The following ATRN variants were observed in gnomAD, a reference collection of about 807,000 sequenced individuals.
ATRN encodes the protein attractin, also known as attractin-2.
A neutral mutation model predicts 178.7 loss-of-function variants in ATRN; 54 were observed. The ratio of observed to expected loss-of-function variants is 0.30; its 90% CI spans 0.24 to 0.38. The LOEUF is 0.38. Among genes scored for constraint, ATRN ranks in the 10% least tolerant of loss-of-function variants. ATRN has a pLI of 1.00. For synonymous variants in ATRN, 636 were observed against 663.0 expected, an observed-to-expected ratio of 0.96 and a Z score of 0.63; for missense variants, 1,443 against 1,815.1, an observed-to-expected ratio of 0.79 and a Z score of 3.73.
chr20:3,474,111 G>T (rs2084476267), intron 1 of ATRN, among the ~76,000 whole-genome samples: 1 of 152,176 alleles, frequency 6.6e-6, no homozygotes, highest in South Asian at 2.1e-4. Flanking sequence ...CTATGAGGGA[G>T]ATTGCCAGGG....
At chr20:3,473,917 G>T (rs973260385) in intron 1 of ATRN, among the ~76,000 whole-genome samples, 7 of 152,138 alleles carry the variant, frequency 4.6e-5, no homozygotes, top group African/African-American at 1.7e-4. Context: ...GTTTGCTCTT[G>T]GAAAGGTGGG....
intron 25 of ATRN, among the ~76,000 whole-genome samples, chr20:3,633,452 A>G (rs996843146): frequency 2.0e-5 from 3 of 152,224 alleles, no homozygotes; most frequent in African/African-American, 7.2e-5. Flanking sequence ...ACCCCATCCT[A>G]CAAACGCAGA....
chr20:3,565,528 G>A (rs2086020872), intron 11 of ATRN, 96 bp downstream of exon 11: 5 of 1,009,884 alleles, frequency 5.0e-6, no homozygotes, highest in Non-Finnish European at 6.1e-6. Flanking sequence ...GGCACTTTGG[G>A]AGGCCGAGGC....
At chr20:3,542,844 G>A (rs1400074677) in intron 3 of ATRN, among the ~76,000 whole-genome samples, 1 of 110,514 alleles carries the variant, frequency 9.0e-6, no homozygotes, top group African/African-American at 3.5e-5. Flanking sequence ...TCACCATGTT[G>A]CCCGGGCTGG....
At position 3,566,734 on chromosome 20, in the gene ATRN, G is replaced by A. The variant is rs149059780; in HGVS notation, c.1871+1302G>A. Among the ~76,000 whole-genome samples the A allele has an allele frequency of 3.1e-3, 465 of 151,936 alleles. 2 individuals carry two copies. Among genetic ancestry groups the A allele is most frequent in the African/African-American group, 0.01 (432 of 41,430 alleles). ...CCCTGGTCAACATGGCAAAACCCCC[G>A]TCTCTTCCTAAAATACAAAACAATT... On this transcript the variant is annotated intron_variant, in intron 11 of 28. Coordinates refer to ENST00000262919, the MANE Select transcript of ATRN (RefSeq NM_139321.3).
chr20:3,502,165 A>G (rs1460249453), intron 1 of ATRN, among the ~76,000 whole-genome samples: 1 of 152,154 alleles, frequency 6.6e-6, no homozygotes, highest in Non-Finnish European at 1.5e-5. Context: ...TAGTTATACA[A>G]CTTAGTCTGG....
chr20:3,572,837 G>A lies in ATRN; in HGVS notation c.1978G>A (p.Ala660Thr). 3 of 1,613,774 alleles carry A rather than the reference G, an allele frequency of 1.9e-6. No homozygotes were observed. Among genetic ancestry groups the A allele is most frequent in the Non-Finnish European group, 2.5e-6 (3 of 1,179,952 alleles). The stretch of plus-strand genomic sequence containing the variant: ...TCGGAGTGAAGCCGCTTGTTTAGCA[G>A]CAGGACCTGGTATTCGGTGTGTGTG... ...AHRSEAACLA[A>T]GPGIRCVWNT... is the part of the protein sequence containing the mutation. Residue 660 changes from alanine (A) to threonine (T), a missense_variant, in exon 12 of 29, where the codon GCA (alanine) becomes ACA (threonine). Transcript: ENST00000262919.
At chr20:3,485,967 A>C (rs1469333201) in intron 1 of ATRN, among the ~76,000 whole-genome samples, 2 of 152,150 alleles carry the variant, frequency 1.3e-5, no homozygotes, top group South Asian at 4.2e-4. Flanking sequence ...CAAGCATGTC[A>C]GATTTTGTCT....
intron 18 of ATRN, among the ~76,000 whole-genome samples, chr20:3,587,822 A>G (rs575365512): frequency 6.7e-6 from 1 of 149,988 alleles, no homozygotes; most frequent in African/African-American, 2.5e-5. Flanking sequence ...TTTGGGGTGT[A>G]TTGCCTGTTT....
chr20:3,540,226 A>G lies in ATRN; in HGVS notation c.499A>G (p.Asn167Asp). The change falls in exon 3 of 29, where the codon AAT (asparagine) becomes GAT (aspartate). Residue 167 changes from asparagine to aspartate, a missense_variant. Asn to Asp is a conservative substitution (Grantham distance 23). Transcript: ENST00000262919. ...KCTWLIEGQP[N>D]RIMRLRFNHF... ...TACTTTTTTTATTCTTTTCAGGCCA[A>G]ATAGAATAATGAGACTTCGTTTCAA... The G allele has an allele frequency of 6.3e-7, 1 of 1,579,316 alleles. No homozygotes were observed. Among genetic ancestry groups the G allele is most frequent in the Non-Finnish European group, 8.6e-7 (1 of 1,159,584 alleles).
At chr20:3,604,714 T>C (rs1231153583) in intron 24 of ATRN, among the ~76,000 whole-genome samples, 3 of 152,224 alleles carry the variant, frequency 2.0e-5, no homozygotes, top group African/African-American at 7.2e-5. Flanking sequence ...GGGGAGACTA[T>C]GTTGAAGAAC....
chr20:3,592,536 C>G, intron 19 of ATRN: 1 of 944,954 alleles, frequency 1.1e-6, no homozygotes, highest in East Asian at 1.2e-4. Context: ...TTTTTTTATT[C>G]TAGTTTCCAG....
At chr20:3,609,398 T>C (rs1299656517) in intron 24 of ATRN, among the ~76,000 whole-genome samples, 1 of 152,236 alleles carries the variant, frequency 6.6e-6, no homozygotes, top group Non-Finnish European at 1.5e-5. Flanking sequence ...CCTGCAACTT[T>C]ACTGAGTTTG....
At chr20:3,619,959 C>A (rs905625190) in intron 24 of ATRN, among the ~76,000 whole-genome samples, 2 of 152,138 alleles carry the variant, frequency 1.3e-5, no homozygotes, top group Non-Finnish European at 2.9e-5. Flanking sequence ...ACCCTACATT[C>A]CCAGGCACTT....
chr20:3,584,813 G>T lies in ATRN; in HGVS notation c.3117G>T (p.Gln1039His), dbSNP rs367722107. 2.5e-6 allele frequency: 4 copies of T among 1,614,064 alleles called. No homozygotes were observed. The highest frequency in any genetic ancestry group is 1.3e-5 in the African/African-American group (1 of 74,924). Residue 1039 changes from glutamine (Q) to histidine (H), a missense_variant, in exon 18 of 29, where the codon CAG (glutamine) becomes CAT (histidine). This residue lies in a region of ATRN where 80 missense variants were observed against 71.5 expected (regional missense o/e 1.12). Transcript: ENST00000262919. ...CCCCTACAGGAAATTTCTATCCACA[G>T]CCCCTGCTCAATTCCAGCATGTGTC... ...SQAPTGNFYPQPLLNSSMCLE... is the reference protein window; with the variant it reads ...SQAPTGNFYPHPLLNSSMCLE...
intron 24 of ATRN, among the ~76,000 whole-genome samples, chr20:3,618,722 G>T (rs2086871792): frequency 2.0e-5 from 3 of 152,202 alleles, no homozygotes; most frequent in Non-Finnish European, 2.9e-5. Flanking sequence ...TACAGTTTCT[G>T]TGCCAGCACA....
At chr20:3,549,360 T>C in intron 6 of ATRN, 22 bp downstream of exon 6, 1 of 1,497,736 alleles carries the variant, frequency 6.7e-7, no homozygotes, top group Non-Finnish European at 8.9e-7. Flanking sequence ...TAAACATTTT[T>C]GCAAGAAGCT....
rs962368813 is a variant in ATRN at position 3,650,178 on chromosome 20, C to T, written c.*3331C>T. On this transcript the variant is annotated 3_prime_UTR_variant, in exon 29 of 29. Transcript: ENST00000262919. Reference sequence around the variant, plus strand: ...ACTGCTGGTGGGAAGAGGCATTTTACCTTCCAGTGCAAATCCTGCTCCTTT... The same window carrying T: ...ACTGCTGGTGGGAAGAGGCATTTTATCTTCCAGTGCAAATCCTGCTCCTTT... 5 of 152,612 alleles carry T rather than the reference C, an allele frequency of 3.3e-5. No individual in the cohort carries two copies. Among genetic ancestry groups the T allele is most frequent in the Admixed American group, 6.5e-5 (1 of 15,280 alleles). The allele number at this position is 152,612 out of a possible 1,614,324, so 9.5% of individuals were successfully genotyped here.
intron 1 of ATRN, among the ~76,000 whole-genome samples, chr20:3,512,107 A>ATATATTTTTTTT: frequency 1.8e-4 from 19 of 106,400 alleles, no homozygotes; most frequent in African/African-American, 8.4e-4. Flanking sequence ...ATATATATAT[A>ATATATTTTTTTT]TTTTTTTTTT....
Sources: gnomAD v4.1 joint callset for allele counts (sites outside exome capture counted in the v4.1 genomes callset) on GRCh38, gnomAD v4.1.1 for gene constraint, gnomAD v4.1.1 regional missense constraint, MANE v1.5 for transcripts, NCBI Gene and HGNC (gene_info 2026-07-23, HGNC 2026-07-21) for gene names.